The following UGDH variants were observed in gnomAD, a reference collection of about 807,000 sequenced individuals.
UGDH encodes the protein UDP-Glc dehydrogenase.
Under a neutral mutation model 50.6 loss-of-function variants are expected in UGDH, and 38 were observed. The ratio of observed to expected loss-of-function variants is 0.75; its 90% confidence interval spans 0.58 to 0.98. The LOEUF is 0.98. Ranked by LOEUF, UGDH falls within the 50% of genes least tolerant of loss-of-function variation. The pLI is 0.00. For synonymous variants in UGDH, 168 were observed against 199.9 expected (o/e 0.84, Z 1.35); for missense variants, 465 against 606.2 (o/e 0.77, Z 2.45).
Position 39,498,867 on chromosome 4 carries a change from A to G in UGDH, c.*1276T>C, listed in dbSNP as rs1313121592. 1 of 152,186 alleles carries G rather than the reference A, an allele frequency of 6.6e-6. No individual in the cohort carries two copies. The highest frequency in any genetic ancestry group is 1.9e-4 in the East Asian group (1 of 5,194). The allele number at this position is 152,186 out of a possible 1,614,324, so 9.4% of individuals were successfully genotyped here. A position where few individuals can be genotyped will look rare whatever the true frequency, so the allele number is the denominator to read the frequency against. ...CATTGAACTGCAAAATTCCTGAAGG[A>G]TGAGACCTGGGATGTTTAATGCAAA... is the stretch of plus-strand genomic sequence containing the variant. On this transcript the variant is annotated 3_prime_UTR_variant, in exon 12 of 12. Transcript: ENST00000316423.
At chr4:39,516,126 T>A (rs1021478957) in intron 2 of UGDH, among the ~76,000 whole-genome samples, 1 of 151,980 alleles carries the variant, frequency 6.6e-6, no homozygotes, top group Non-Finnish European at 1.5e-5. Flanking sequence ...ACTAAAAAAA[T>A]TTTAAAAAAT....
At chr4:39,509,976 T>G in intron 5 of UGDH, 69 bp from the exon 6 acceptor site, 1 of 1,488,250 alleles carries the variant, frequency 6.7e-7, no homozygotes, top group South Asian at 1.3e-5. Context: ...CTAGTTTATA[T>G]TTCATTGCGT....
intron 5 of UGDH, among the ~76,000 whole-genome samples, chr4:39,510,131 C>T (rs1746183955): frequency 6.6e-6 from 1 of 151,850 alleles, no homozygotes; most frequent in Admixed American, 6.6e-5. Context: ...GTGATAAAAA[C>T]CAAATTACTA....
chr4:39,509,731 C>G, intron 6 of UGDH, 29 bp downstream of exon 6: 1 of 1,595,072 alleles, frequency 6.3e-7, no homozygotes, highest in East Asian at 2.2e-5. Flanking sequence ...AACACTAGCT[C>G]TTTCTACTAG....
rs1746772817 is a variant in UGDH, at chr4:39,523,885, T to G, written c.-7-2366A>C. Among the ~76,000 whole-genome samples, 3 of 152,258 alleles carry G rather than the reference T, an allele frequency of 2.0e-5. No homozygotes were observed. The South Asian group carries it at 6.2e-4, about 32-fold the overall frequency. On this transcript the variant is annotated intron_variant, in intron 1 of 11. Coordinates refer to ENST00000316423, the MANE Select transcript of UGDH (RefSeq NM_003359.4). ...TAAATCTGTTGTAACAAGGTACACA[T>G]GAGAAGTCTCACTCCAACCCCTTCC...
At chr4:39,503,137 G>A (rs1017183781) in intron 11 of UGDH, among the ~76,000 whole-genome samples, 7 of 152,060 alleles carry the variant, frequency 4.6e-5, no homozygotes, top group African/African-American at 7.2e-5. Flanking sequence ...GGCTGGTCTC[G>A]AACTCCTGAC....
At chr4:39,517,083 AC>A (rs1315275801) in intron 2 of UGDH, among the ~76,000 whole-genome samples, 5 of 152,156 alleles carry the variant, frequency 3.3e-5, no homozygotes, top group Non-Finnish European at 7.3e-5. Flanking sequence ...TTTATATGGT[AC>A]TTTTATTAGA....
At chr4:39,501,402 C>T (rs1008926773) in intron 11 of UGDH, among the ~76,000 whole-genome samples, 35 of 152,002 alleles carry the variant, frequency 2.3e-4, no homozygotes, top group African/African-American at 7.7e-4. Flanking sequence ...GCCTCCCGAG[C>T]AGCTGGGACC....
Position 39,509,850 on chromosome 4 carries a change from A to C in UGDH, c.721T>G (p.Cys241Gly), listed in dbSNP as rs1746167619. ...TCTACATCAGCTCCTGTTGCTTCACACAGAGCACTTATGGAGTTAATGCTG... is the reference window on the plus strand; with the variant it reads ...TCTACATCAGCTCCTGTTGCTTCACCCAGAGCACTTATGGAGTTAATGCTG... ...ISSINSISAL[C>G]EATGADVEEV... is the part of the protein sequence containing the mutation. Residue 241 changes from cysteine (C) to glycine (G), a missense_variant, in exon 6 of 12, where the codon TGT becomes GGT. Coordinates refer to ENST00000316423, the MANE Select transcript of UGDH (RefSeq NM_003359.4). 1 of 1,612,958 alleles carries C rather than the reference A, an allele frequency of 6.2e-7. No individual in the cohort carries two copies. The highest frequency in any genetic ancestry group is 8.5e-7 in the Non-Finnish European group (1 of 1,179,936).
chr4:39,505,178 A>C, intron 9 of UGDH, 59 bp downstream of exon 9: 1 of 1,545,120 alleles, frequency 6.5e-7, no homozygotes, highest in Non-Finnish European at 8.7e-7. Flanking sequence ...TAAGGTTTCC[A>C]AAAGATAAAA....
At chr4:39,503,071 C>T (rs960598946) in intron 11 of UGDH, among the ~76,000 whole-genome samples, 2 of 152,122 alleles carry the variant, frequency 1.3e-5, no homozygotes, top group Admixed American at 1.3e-4. Context: ...TGTGTGCCAC[C>T]ACACCCAGCT....
intron 10 of UGDH, 74 bp downstream of exon 10, chr4:39,504,343 T>A: frequency 7.3e-7 from 1 of 1,366,920 alleles, no homozygotes; most frequent in Non-Finnish European, 1.0e-6. Flanking sequence ...AACACATACA[T>A]GAACACATAC....
intron 7 of UGDH, 64 bp downstream of exon 7, chr4:39,508,502 G>T (rs11735116): frequency 0.28 from 423,822 of 1,498,142 alleles, 63,201 homozygotes; most frequent in South Asian, 0.32. Context: ...CTAAAGTGCT[G>T]CGATTACAGG....
rs1745687185 is a variant in UGDH at position 39,498,927 on chromosome 4, G to C, written c.*1216C>G. On this transcript the variant is annotated 3_prime_UTR_variant, in exon 12 of 12. Coordinates refer to ENST00000316423, the MANE Select transcript of UGDH (RefSeq NM_003359.4). ...CTCAGCAGAGCACAAGTATCAAAGG[G>C]ACATTGGATATATTTTAATAATGAT... 1 of 151,982 alleles carries C rather than the reference G, an allele frequency of 6.6e-6. No homozygotes were observed. The highest frequency in any genetic ancestry group is 2.4e-5 in the African/African-American group (1 of 41,350). 9.4% of individuals were successfully genotyped at this position (151,982 alleles called of 1,614,324 possible). A position where few individuals can be genotyped will look rare whatever the true frequency, so the allele number is the denominator to read the frequency against.
At chr4:39,509,287 G>C (rs753012240) in intron 6 of UGDH, among the ~76,000 whole-genome samples, 1 of 151,898 alleles carries the variant, frequency 6.6e-6, no homozygotes, top group Non-Finnish European at 1.5e-5. Flanking sequence ...TGCCTGGCCT[G>C]GGTCAGCAAA....
At chr4:39,504,228 A>G (rs1452281746) in intron 10 of UGDH, among the ~76,000 whole-genome samples, 189 bp downstream of exon 10, 2 of 152,072 alleles carry the variant, frequency 1.3e-5, no homozygotes, top group Non-Finnish European at 2.9e-5. Context: ...GAATGGCGTG[A>G]ACCCAGGAGG....
rs1427393045 is a variant in UGDH, at chr4:39,510,424, C to T, written c.592G>A (p.Val198Ile). ...TCTCTGGGAACCCAGTGCTCATATA[C>T]AGCACACAGGGCCTGCACAGCTCTC... ...GQRAVQALCA[V>I]YEHWVPREKI... The change falls in exon 5 of 12, where the codon GTA becomes ATA. Residue 198 changes from valine (V) to isoleucine (I), a missense_variant. Transcript: ENST00000316423. 2.5e-6 allele frequency: 4 copies of T among 1,614,212 alleles called. No individual in the cohort carries two copies. In the Admixed American group the frequency reaches 6.7e-5, roughly 27 times the overall value.
At position 39,514,117 on chromosome 4, in the gene UGDH, T is replaced by A. The variant is rs751244149; in HGVS notation, c.230A>T (p.Asp77Val). Residue 77 changes from aspartate to valine, a missense_variant, in exon 3 of 12, where the codon GAT (aspartate) becomes GTT (valine). Physicochemically the swap from Asp to Val is radical, Grantham distance 152. Transcript: ENST00000316423. ...TACAAGATCAGCTTCTTTGATGGCATCATCAATATTGGTAGAAAAAAAAAG... is the reference window on the plus strand; with the variant it reads ...TACAAGATCAGCTTCTTTGATGGCAACATCAATATTGGTAGAAAAAAAAAG... The part of the protein sequence containing the change: ...KNLFFSTNID[D>V]AIKEADLVFI... 6.3e-7 allele frequency: 1 copy of A among 1,587,694 alleles called. No homozygotes were observed. Among genetic ancestry groups the A allele is most frequent in the Non-Finnish European group, 8.5e-7 (1 of 1,173,690 alleles).
At chr4:39,505,461 C>T in intron 8 of UGDH, 91 bp from the exon 9 acceptor site, 2 of 1,235,234 alleles carry the variant, frequency 1.6e-6, no homozygotes, top group Non-Finnish European at 2.1e-6. Flanking sequence ...AATTATATTT[C>T]TGAAGCTGGT....
Sources: gnomAD v4.1 joint callset for allele counts (sites outside exome capture counted in the v4.1 genomes callset) on GRCh38, gnomAD v4.1.1 for gene constraint, MANE v1.5 for transcripts, NCBI Gene and HGNC (gene_info 2026-07-23, HGNC 2026-07-21) for gene names.